The following EBF2 variants were observed in gnomAD, a reference collection of about 807,000 sequenced individuals.
EBF2 encodes the protein EBF transcription factor 2.
EBF2 carries 21 observed loss-of-function variants against 72.8 expected under a neutral mutation model. The ratio of observed to expected loss-of-function variants is 0.29; its 90% CI spans 0.20 to 0.42. The LOEUF (loss-of-function observed/expected upper bound fraction) is 0.42, where lower values mean the gene tolerates loss of function less well. EBF2 is among the 10% of genes least tolerant of loss of function. The probability of loss-of-function intolerance (pLI) is 1.00; values close to 1 mark genes in which losing one functional copy is unlikely to be tolerated. For missense variants in EBF2, 637 were observed against 731.2 expected (o/e 0.87, Z 1.49); for synonymous variants, 299 against 274.2 (o/e 1.09, Z -0.89).
intron 6 of EBF2, among the ~76,000 whole-genome samples, chr8:25,978,872 T>C (rs1804311173): frequency 1.3e-5 from 2 of 152,154 alleles, no homozygotes; most frequent in South Asian, 4.2e-4. Context: ...ACGTGCATTA[T>C]GACATGGAAG....
intron 1 of EBF2, 94 bp from the exon 2 acceptor site, chr8:26,042,345 G>C: frequency 7.0e-7 from 1 of 1,436,158 alleles, no homozygotes; most frequent in South Asian, 1.4e-5. Context: ...GGGGTAAGGG[G>C]TCCACTTCCC....
At chr8:25,963,024 A>G (rs529793216) in intron 6 of EBF2, among the ~76,000 whole-genome samples, 7 of 152,202 alleles carry the variant, frequency 4.6e-5, no homozygotes, top group Non-Finnish European at 7.3e-5. Context: ...GAATAAATCC[A>G]ATTAGACATG....
At chr8:25,892,404 G>GT (rs1292971424) in intron 7 of EBF2, among the ~76,000 whole-genome samples, 1 of 152,054 alleles carries the variant, frequency 6.6e-6, no homozygotes, top group Admixed American at 6.5e-5. Context: ...ACAGGTTTGG[G>GT]TTTTTTTGTA....
intron 14 of EBF2, among the ~76,000 whole-genome samples, chr8:25,854,461 G>T (rs889814033): frequency 6.6e-6 from 1 of 152,020 alleles, no homozygotes; most frequent in Non-Finnish European, 1.5e-5. Context: ...TTGATCTTAT[G>T]GCAGAATCTC....
chr8:26,038,931 T>C lies in EBF2; in HGVS notation c.482+1097A>G, dbSNP rs1450451297. ...CACACTAAATCAGATAATCTGCAAT[T>C]ACCCAAAGCTAGTAAGTCTGGAGTT... On this transcript the variant is annotated intron_variant, in intron 5 of 15. Coordinates refer to ENST00000520164, the MANE Select transcript of EBF2 (RefSeq NM_022659.4). Among the ~76,000 whole-genome samples, 4 of 152,326 alleles carry C rather than the reference T, an allele frequency of 2.6e-5. No homozygotes were observed. In the East Asian group the frequency reaches 5.8e-4, roughly 22 times the overall value.
At chr8:25,847,464 T>G (rs922320332) in intron 15 of EBF2, among the ~76,000 whole-genome samples, 5 of 152,210 alleles carry the variant, frequency 3.3e-5, no homozygotes, top group Non-Finnish European at 7.3e-5. Context: ...ACACTGAGCT[T>G]CCATGCACCT....
At chr8:26,010,968 T>C (rs1804971820) in intron 6 of EBF2, among the ~76,000 whole-genome samples, 1 of 129,074 alleles carries the variant, frequency 7.7e-6, no homozygotes, top group South Asian at 2.7e-4. Flanking sequence ...TTTTGTTTTA[T>C]ATGCTTGCAT....
intron 6 of EBF2, among the ~76,000 whole-genome samples, chr8:25,912,466 G>GCACACACA (rs141335310): frequency 0.29 from 39,542 of 136,610 alleles, 6,508 homozygotes; most frequent in East Asian, 0.37. Context: ...TCTAAAAATG[G>GCACACACA]CACACACACA....
intron 6 of EBF2, among the ~76,000 whole-genome samples, chr8:26,013,253 C>A (rs1449160417): frequency 1.3e-5 from 2 of 152,130 alleles, no homozygotes; most frequent in East Asian, 3.9e-4. Flanking sequence ...TCCATCACAG[C>A]CAGGGGCAAA....
At chr8:26,001,609 G>A (rs1563204233) in intron 6 of EBF2, among the ~76,000 whole-genome samples, 1 of 151,642 alleles carries the variant, frequency 6.6e-6, no homozygotes, top group Non-Finnish European at 1.5e-5. Flanking sequence ...GAGTGCAATT[G>A]TGCGATCTTG....
At chr8:25,941,363 G>T (rs540066326) in intron 6 of EBF2, among the ~76,000 whole-genome samples, 9 of 152,162 alleles carry the variant, frequency 5.9e-5, no homozygotes, top group African/African-American at 2.2e-4. Context: ...CTGCCACCAT[G>T]CCTGGCTAAT....
intron 6 of EBF2, among the ~76,000 whole-genome samples, chr8:25,912,945 G>C (rs1378408764): frequency 3.3e-5 from 5 of 152,158 alleles, no homozygotes; most frequent in Admixed American, 6.5e-5. Flanking sequence ...ACAGTGCAGA[G>C]TTAAGGTTCC....
rs138453021 is a variant in EBF2, at chr8:25,988,074, A to G, written c.551+45011T>C. ...TTCCTCAGGATTGCTGGTTCCTCCC[A>G]GCCTAGCACTTCTTGTCCATGGATC... is the stretch of plus-strand genomic sequence containing the variant. On this transcript the variant is annotated intron_variant, in intron 6 of 15. Coordinates refer to ENST00000520164, the MANE Select transcript of EBF2 (RefSeq NM_022659.4). Among the ~76,000 whole-genome samples, 170 of 152,248 alleles carry G rather than the reference A, an allele frequency of 1.1e-3. 2 individuals carry two copies. The highest frequency in any genetic ancestry group is 4.0e-3 in the African/African-American group (166 of 41,536).
chr8:25,850,943 A>C (rs1476001175), intron 14 of EBF2, among the ~76,000 whole-genome samples, 182 bp from the exon 15 acceptor site: 1 of 152,134 alleles, frequency 6.6e-6, no homozygotes, highest in Non-Finnish European at 1.5e-5. Context: ...CAGACACATA[A>C]AACAACTAAT....
chr8:25,977,806 T>A (rs1302068184), intron 6 of EBF2, among the ~76,000 whole-genome samples: 1 of 152,104 alleles, frequency 6.6e-6, no homozygotes, highest in Non-Finnish European at 1.5e-5. Flanking sequence ...GCTACAGAAA[T>A]ATAAGGTGAG....
intron 6 of EBF2, among the ~76,000 whole-genome samples, chr8:26,003,147 C>T (rs1008823732): frequency 4.6e-5 from 7 of 152,150 alleles, no homozygotes; most frequent in African/African-American, 9.7e-5. Flanking sequence ...TCCGCTTCCA[C>T]TCTGGGAGTC....
intron 6 of EBF2, among the ~76,000 whole-genome samples, chr8:25,920,001 C>G (rs904023185): frequency 3.3e-5 from 5 of 152,026 alleles, no homozygotes; most frequent in Admixed American, 6.6e-5. Context: ...CAGTACCCAT[C>G]TAAAGAGATT....
chr8:25,920,558 G>A (rs1187078125), intron 6 of EBF2, among the ~76,000 whole-genome samples: 1 of 152,216 alleles, frequency 6.6e-6, no homozygotes, highest in South Asian at 2.1e-4. Context: ...ACTAGTGAGA[G>A]CAGGTGGAGA....
At chr8:25,942,190 C>A (rs757327579) in intron 6 of EBF2, among the ~76,000 whole-genome samples, 1 of 152,210 alleles carries the variant, frequency 6.6e-6, no homozygotes, top group Non-Finnish European at 1.5e-5. Flanking sequence ...TTCTCACATG[C>A]CTTCCCATTG....
Sources: gnomAD v4.1 joint callset for allele counts (sites outside exome capture counted in the v4.1 genomes callset) on GRCh38, gnomAD v4.1.1 for gene constraint, MANE v1.5 for transcripts, NCBI Gene and HGNC (gene_info 2026-07-23, HGNC 2026-07-21) for gene names.